The following CACNA2D2 variants were observed in gnomAD, a reference collection of about 807,000 sequenced individuals.
CACNA2D2 encodes voltage-dependent calcium channel subunit alpha-2/delta-2.
Under a neutral mutation model 166.4 loss-of-function variants are expected in CACNA2D2, and 48 were observed. That is an observed-to-expected ratio of 0.29 (90% CI 0.23 to 0.37). The LOEUF is 0.37. Among genes scored for constraint, CACNA2D2 ranks in the 10% least tolerant of loss-of-function variants. The pLI is 1.00. For synonymous variants in CACNA2D2, 561 were observed against 573.7 expected (o/e 0.98, Z 0.32); for missense variants, 1,122 against 1,433.0 (o/e 0.78, Z 3.50).
rs1211304027 is a variant in CACNA2D2, at chr3:50,365,324, C to T, written c.3098+32G>A. 1.2e-6 allele frequency: 2 copies of T among 1,610,204 alleles called. No individual in the cohort carries two copies. The highest frequency in any genetic ancestry group is 8.5e-7 in the Non-Finnish European group (1 of 1,178,414). Reference sequence around the variant, plus strand: ...TCTCGCCCCGCTCACAGGTTCCGCCCTTGGCCTCTGGTCCCGCCCCACTGC... The same window carrying T: ...TCTCGCCCCGCTCACAGGTTCCGCCTTTGGCCTCTGGTCCCGCCCCACTGC... On this transcript the variant is annotated intron_variant, in intron 35 of 37. Transcript: ENST00000424201. This position sits in a 1 kb window ranked among gnomAD's most constrained non-coding sequence, Gnocchi z 4.5.
chr3:50,492,456 C>T (rs934610520), intron 1 of CACNA2D2, among the ~76,000 whole-genome samples: 1 of 152,238 alleles, frequency 6.6e-6, no homozygotes, highest in Non-Finnish European at 1.5e-5. Context: ...CCCCCAAACC[C>T]CAGGTTTGGG....
intron 2 of CACNA2D2, among the ~76,000 whole-genome samples, chr3:50,448,675 G>A (rs1708970967): frequency 6.6e-6 from 1 of 152,130 alleles, no homozygotes; most frequent in African/African-American, 2.4e-5. Flanking sequence ...CTCAAGTACA[G>A]CACACAGTAG....
intron 3 of CACNA2D2, among the ~76,000 whole-genome samples, chr3:50,426,577 G>GGTGGGGCTGACCCATCAGGCTCT (rs371927530): frequency 1.1e-4 from 17 of 152,210 alleles, no homozygotes; most frequent in African/African-American, 4.1e-4. Context: ...GGGTACAGGT[G>GGTGGGGCTGACCCATCAGGCTCT]GTGGGGCTGA....
Position 50,365,945 on chromosome 3 carries a change from G to A in CACNA2D2, c.2862+66C>T, listed in dbSNP as rs1704245394. 6.2e-7 allele frequency: 1 copy of A among 1,611,494 alleles called. No homozygotes were observed. The highest frequency in any genetic ancestry group is 8.5e-7 in the Non-Finnish European group (1 of 1,178,916). On this transcript the variant is annotated intron_variant, in intron 32 of 37. Coordinates refer to ENST00000424201, the MANE Select transcript of CACNA2D2 (RefSeq NM_006030.4). The surrounding 1 kb of genome is among the most constrained non-coding windows in gnomAD (Gnocchi z 4.5). ...CAGCTTTATCAAATGTCAGAGGTAG[G>A]GGGTCATCTGTGGGCAGGTCTCCCA...
In CACNA2D2 at chr3:50,381,125, G is replaced by A. The variant is rs748875935; in HGVS notation, c.654C>T (p.Ser218=). The part of the protein sequence containing the change: ...VQIPTDIYKG[S]TVILNELNWT... ...AGTTGAGCTCATTGAGGATGACAGT[G>A]GCTGGGGGGAAGCGGGGAGCTGGGG... Residue 218 remains serine (S), a splice_region_variant and synonymous_variant, in exon 7 of 38, where the codon TCC becomes TCT. Coordinates refer to ENST00000424201, the MANE Select transcript of CACNA2D2 (RefSeq NM_006030.4). 5.0e-6 allele frequency: 8 copies of A among 1,613,814 alleles called. No homozygotes were observed. Among genetic ancestry groups the A allele is most frequent in the Admixed American group, 1.7e-5 (1 of 60,000 alleles).
intron 3 of CACNA2D2, among the ~76,000 whole-genome samples, chr3:50,410,450 C>T (rs1301022071): frequency 6.6e-6 from 1 of 151,664 alleles, no homozygotes. Context: ...GTCCCTTCCC[C>T]GAACCCACAG....
At chr3:50,463,779 C>G (rs1709694984) in intron 2 of CACNA2D2, among the ~76,000 whole-genome samples, 1 of 152,254 alleles carries the variant, frequency 6.6e-6, no homozygotes, top group Non-Finnish European at 1.5e-5. Flanking sequence ...TTGTATGGGA[C>G]AGACATCCTG....
At chr3:50,498,471 G>C (rs1011759468) in intron 1 of CACNA2D2, among the ~76,000 whole-genome samples, 1 of 152,172 alleles carries the variant, frequency 6.6e-6, no homozygotes, top group Non-Finnish European at 1.5e-5. Flanking sequence ...AGAAGGAAAT[G>C]GCATCTCATC....
chr3:50,491,550 G>C (rs1004387510), intron 1 of CACNA2D2, among the ~76,000 whole-genome samples: 3 of 152,228 alleles, frequency 2.0e-5, no homozygotes, highest in African/African-American at 7.2e-5. Flanking sequence ...GGTGGGCATG[G>C]AGTGGGGCGG....
At chr3:50,388,134 C>G (rs926087783) in intron 4 of CACNA2D2, among the ~76,000 whole-genome samples, 1 of 152,218 alleles carries the variant, frequency 6.6e-6, no homozygotes, top group Non-Finnish European at 1.5e-5. Context: ...CCAGCCCTGG[C>G]GCCTGCCTCC....
chr3:50,412,569 G>A (rs1028526529), intron 3 of CACNA2D2, among the ~76,000 whole-genome samples: 18 of 149,198 alleles, frequency 1.2e-4, no homozygotes, highest in East Asian at 2.0e-4. Context: ...GCCAGCAGGC[G>A]CCTTCCCTCA....
chr3:50,472,181 G>C (rs1381209292), intron 2 of CACNA2D2, among the ~76,000 whole-genome samples: 1 of 152,250 alleles, frequency 6.6e-6, no homozygotes, highest in Non-Finnish European at 1.5e-5. Context: ...CTGGCTGGTG[G>C]AGACAGCAGC....
chr3:50,392,492 G>T (rs1165865961), intron 4 of CACNA2D2, among the ~76,000 whole-genome samples: 1 of 152,176 alleles, frequency 6.6e-6, no homozygotes, highest in Non-Finnish European at 1.5e-5. Flanking sequence ...AACAAGGCCG[G>T]GCCCAGGTGG....
chr3:50,374,152 G>A (rs1480770282), intron 22 of CACNA2D2, among the ~76,000 whole-genome samples: 1 of 18,512 alleles, frequency 5.4e-5, no homozygotes, highest in Non-Finnish European at 1.2e-4. Context: ...GGAATTGAAG[G>A]GAGGGGGAAT....
intron 1 of CACNA2D2, among the ~76,000 whole-genome samples, chr3:50,490,919 G>C (rs1698495070): frequency 6.6e-6 from 1 of 152,200 alleles, no homozygotes; most frequent in African/African-American, 2.4e-5. Context: ...AGGGGACAGT[G>C]ACTCCAAGCC....
chr3:50,405,995 C>G lies in CACNA2D2; in HGVS notation c.406-11827G>C, dbSNP rs538849573. ...GATCATGAGAACTCTCCAATCTCTA[C>G]CCCCTATCCATTGCCCTTCCCCACA... On this transcript the variant is annotated intron_variant, in intron 3 of 37. Transcript: ENST00000424201. Among the ~76,000 whole-genome samples, 32 of 151,960 alleles carry G rather than the reference C, an allele frequency of 2.1e-4. 2 individuals are homozygous for G. The South Asian group carries it at 6.0e-3, about 29-fold the overall frequency.
intron 3 of CACNA2D2, among the ~76,000 whole-genome samples, chr3:50,396,991 G>A (rs1706192819): frequency 6.6e-6 from 1 of 152,202 alleles, no homozygotes; most frequent in Admixed American, 6.5e-5. Flanking sequence ...TCCTGCCCCT[G>A]CCTCTACTCC....
intron 3 of CACNA2D2, among the ~76,000 whole-genome samples, chr3:50,424,399 C>A (rs1707710952): frequency 6.6e-6 from 1 of 152,138 alleles, no homozygotes; most frequent in Non-Finnish European, 1.5e-5. Context: ...CTCTGTGGAG[C>A]CTGCCAGTGG....
chr3:50,472,716 T>G (rs925530152), intron 2 of CACNA2D2, among the ~76,000 whole-genome samples: 7 of 151,958 alleles, frequency 4.6e-5, no homozygotes, highest in African/African-American at 1.7e-4. Flanking sequence ...CCCATCAGAG[T>G]GACCTGGGCT....
Sources: allele counts gnomAD v4.1 joint callset (sites outside exome capture counted in the v4.1 genomes callset), GRCh38; gene constraint gnomAD v4.1.1; non-coding constraint Gnocchi (gnomAD v3.1); transcripts MANE v1.5; gene names NCBI Gene and HGNC (gene_info 2026-07-23, HGNC 2026-07-21).